The following TET3 variants were observed in gnomAD, a reference collection of about 807,000 sequenced individuals.
TET3 encodes the protein tet methylcytosine dioxygenase 3, also known as methylcytosine dioxygenase TET3.
TET3 carries 19 observed loss-of-function variants against 141.4 expected under a neutral mutation model. That is an observed-to-expected ratio of 0.13 (90% CI 0.09 to 0.20). The LOEUF is 0.20. TET3 is among the 10% of genes least tolerant of loss of function. The pLI, the probability that TET3 is intolerant of heterozygous loss-of-function variation, is 1.00. For missense variants in TET3, 1,874 were observed against 2,356.9 expected (o/e 0.80, Z 4.24); for synonymous variants, 1,043 against 980.9 (o/e 1.06, Z -1.18).
chr2:74,061,465 G>A (rs1410803398), intron 4 of TET3, among the ~76,000 whole-genome samples: 1 of 147,258 alleles, frequency 6.8e-6, no homozygotes, highest in Non-Finnish European at 1.5e-5. Context: ...GCAGGGCGGG[G>A]GACTGACCCC....
At chr2:74,076,749 G>A (rs1228995735) in intron 5 of TET3, among the ~76,000 whole-genome samples, 1 of 152,022 alleles carries the variant, frequency 6.6e-6, no homozygotes, top group African/African-American at 2.4e-5. Flanking sequence ...GTTTGTGAAT[G>A]GTAGGTCTAG....
rs185408284 is a variant in TET3, at chr2:74,007,721, C to T, written c.360+4555C>T. Among the ~76,000 whole-genome samples the T allele has an allele frequency of 3.3e-5, 5 of 152,332 alleles. No homozygotes were observed. In the East Asian group the frequency reaches 9.6e-4, roughly 29 times the overall value. On this transcript the variant is annotated intron_variant, in intron 3 of 11. Transcript: ENST00000409262. ...GGGGAGGTCACTTACTGTCTTTGGA[C>T]TTCAGCTTTCTGGGTAAAGTGAGGG...
intron 3 of TET3, among the ~76,000 whole-genome samples, chr2:74,024,401 G>A (rs1686222942): frequency 1.3e-5 from 2 of 152,108 alleles, no homozygotes; most frequent in Admixed American, 1.3e-4. Context: ...GAGGAGAGAG[G>A]GTGGACCCTG....
intron 3 of TET3, among the ~76,000 whole-genome samples, chr2:74,021,131 T>G (rs1289972910): frequency 1.3e-5 from 2 of 152,248 alleles, no homozygotes; most frequent in African/African-American, 4.8e-5. Context: ...GGTTTCTTAC[T>G]TCATCTCCCA....
rs903365864 is a variant in TET3, at chr2:74,073,554, A to G, written c.2500A>G (p.Ile834Val). The G allele has an allele frequency of 6.2e-7, 1 of 1,606,710 alleles. No individual in the cohort carries two copies. The highest frequency in any genetic ancestry group is 1.7e-4 in the Middle Eastern group (1 of 6,052). Residue 834 changes from isoleucine to valine, a missense_variant, in exon 5 of 12, where the codon ATA becomes GTA. By Grantham distance (29) the Ile-to-Val change is conservative (BLOSUM62 3). This residue lies in a region of TET3 where 83 missense variants were observed against 107.0 expected (regional missense o/e 0.78). Transcript: ENST00000409262. ...TACTCTCTGTGTTTCTGCAGAACAAATAGTGGAGAAAGATGAAGGTCCATA... is the reference window on the plus strand; with the variant it reads ...TACTCTCTGTGTTTCTGCAGAACAAGTAGTGGAGAAAGATGAAGGTCCATA... ...EFPTCDCVEQ[I>V]VEKDEGPYYT...
At chr2:74,111,665 C>T (rs1400044503), downstream of TET3, among the ~76,000 whole-genome samples, 1 of 152,154 alleles carries the variant, frequency 6.6e-6, no homozygotes, top group Non-Finnish European at 1.5e-5. Flanking sequence ...AAGCTGGGGA[C>T]CCAGGGCAGA....
intron 4 of TET3, among the ~76,000 whole-genome samples, chr2:74,058,748 G>A (rs996190042): frequency 6.6e-6 from 1 of 152,008 alleles, no homozygotes; most frequent in African/African-American, 2.4e-5. Flanking sequence ...AGAAGCCTCC[G>A]AAGTCCACCC....
At chr2:74,089,080 C>CAAAAAAAA (rs34315040) in intron 7 of TET3, among the ~76,000 whole-genome samples, 2 of 60,568 alleles carry the variant, frequency 3.3e-5, no homozygotes, top group East Asian at 1.5e-3. Flanking sequence ...GATTCCGTCT[C>CAAAAAAAA]AAAAAAAAAA....
In TET3 at chr2:74,101,699, G is replaced by T. The variant is rs762575660; in HGVS notation, c.4911G>T (p.Glu1637Asp). Residue 1637 changes from glutamate (E) to aspartate (D), a missense_variant, in exon 12 of 12, where the codon GAG becomes GAT. Physicochemically the swap from Glu to Asp is conservative, Grantham distance 45 (BLOSUM62 2). This residue lies in a region of TET3 where 41 missense variants were observed against 116.8 expected (regional missense o/e 0.35). Transcript: ENST00000409262. The surrounding 1 kb of genome is among the most constrained non-coding windows in gnomAD (Gnocchi z 8.5). The part of the protein sequence containing the change: ...GGGGAEEEEE[E>D]LWSDSEHNFL... ...GTGGTGCGGAGGAGGAAGAGGAGGA[G>T]CTGTGGTCGGACAGTGAACACAACT... The T allele has an allele frequency of 5.0e-6, 8 of 1,613,518 alleles. No individual in the cohort carries two copies. The South Asian group carries it at 8.8e-5, about 18-fold the overall frequency.
chr2:74,008,927 A>G (rs775174787), intron 3 of TET3, among the ~76,000 whole-genome samples: 10 of 152,290 alleles, frequency 6.6e-5, no homozygotes, highest in African/African-American at 2.2e-4. Context: ...CCCCGCCTCC[A>G]GGCATTTTTC....
At chr2:74,007,881 C>A (rs1029125428) in intron 3 of TET3, among the ~76,000 whole-genome samples, 1 of 152,158 alleles carries the variant, frequency 6.6e-6, no homozygotes, top group South Asian at 2.1e-4. Context: ...CTTTGTACAG[C>A]GAGTTTGCAG....
chr2:73,995,560 A>G (rs1033897056), intron 2 of TET3, among the ~76,000 whole-genome samples: 36 of 152,222 alleles, frequency 2.4e-4, no homozygotes, highest in Non-Finnish European at 4.8e-4. Flanking sequence ...GGCCACAGGT[A>G]GCTATTTAAA....
intron 3 of TET3, among the ~76,000 whole-genome samples, chr2:74,038,806 C>G (rs545096672): frequency 1.3e-5 from 2 of 152,266 alleles, no homozygotes; most frequent in South Asian, 2.1e-4. Flanking sequence ...TACACTCTTA[C>G]GAAAAGATCC....
Position 74,046,512 on chromosome 2 carries a change from G to A in TET3, c.595G>A (p.Asp199Asn), listed in dbSNP as rs1167298467. The change falls in exon 4 of 12, where the codon GAT becomes AAT. Residue 199 changes from aspartate (D) to asparagine (N), a missense_variant. Coordinates refer to ENST00000409262, the MANE Select transcript of TET3 (RefSeq NM_001287491.2). This position sits in a 1 kb window ranked among gnomAD's most constrained non-coding sequence, Gnocchi z 4.3. ...AHTARLEDAH[D>N]LVAFSAVAEA... ...TACTGCTCGCCTGGAAGATGCCCAC[G>A]ATCTGGTGGCCTTTTCGGCTGTGGC... 1.9e-6 allele frequency: 3 copies of A among 1,614,012 alleles called. No individual in the cohort carries two copies. Among genetic ancestry groups the A allele is most frequent in the Admixed American group, 1.7e-5 (1 of 60,028 alleles).
At chr2:74,122,505 ATATATATT>A in the TET3 span, 2 of 66,478 alleles carry the variant, frequency 3.0e-5, no homozygotes, top group Non-Finnish European at 5.5e-5. Flanking sequence ...ATATATATAT[ATATATATT>A]TTTTTTTTTT....
In TET3 at chr2:74,046,163, G is replaced by C; in HGVS notation, c.361-115G>C. ...GGAGGCTCAAGAAGTACCAGAGAGA[G>C]GATTTGCAAGAAAAGTTGGGGTCAG... On this transcript the variant is annotated intron_variant, in intron 3 of 11. Coordinates refer to ENST00000409262, the MANE Select transcript of TET3 (RefSeq NM_001287491.2). The surrounding 1 kb of genome is among the most constrained non-coding windows in gnomAD (Gnocchi z 4.3). 2.2e-6 allele frequency: 2 copies of C among 919,008 alleles called. No individual in the cohort carries two copies. The highest frequency in any genetic ancestry group is 5.8e-5 in the East Asian group (2 of 34,378). 56.9% of individuals were successfully genotyped at this position (919,008 alleles called of 1,614,324 possible). A position where few individuals can be genotyped will look rare whatever the true frequency, so the allele number is the denominator to read the frequency against.
chr2:74,091,306 C>A (rs764129260), intron 8 of TET3, among the ~76,000 whole-genome samples: 47 of 152,194 alleles, frequency 3.1e-4, no homozygotes, highest in Non-Finnish European at 5.4e-4. Context: ...CTCTCAAATT[C>A]TTTCCCTGTT....
rs558742059 is a variant in TET3 at position 74,107,617 on chromosome 2, C to T, written c.*5441C>T. The T allele has an allele frequency of 1.3e-5, 2 of 152,162 alleles. No homozygotes were observed. Among genetic ancestry groups the T allele is most frequent in the East Asian group, 3.9e-4 (2 of 5,184 alleles). 9.4% of individuals were successfully genotyped at this position (152,162 alleles called of 1,614,324 possible). A position where few individuals can be genotyped will look rare whatever the true frequency, so the allele number is the denominator to read the frequency against. ...TCCAATTAAAGAAACAAGGGCAGGTCGTATAATGGCATATTAATACATTAG... is the reference window on the plus strand; with the variant it reads ...TCCAATTAAAGAAACAAGGGCAGGTTGTATAATGGCATATTAATACATTAG... On this transcript the variant is annotated 3_prime_UTR_variant, in exon 12 of 12. Transcript: ENST00000409262.
At position 74,093,820 on chromosome 2, in the gene TET3, G is replaced by A. The variant is rs780759239; in HGVS notation, c.3267+154G>A. Among the ~76,000 whole-genome samples the A allele has an allele frequency of 2.6e-5, 4 of 152,126 alleles. No individual in the cohort carries two copies. Among genetic ancestry groups the A allele is most frequent in the African/African-American group, 7.2e-5 (3 of 41,416 alleles). The stretch of plus-strand genomic sequence containing the variant: ...GTTCCCTGCAAGACGGCCTGCCTTC[G>A]CCCACCTCCCAGAGAAAACCTCACC... On this transcript the variant is annotated intron_variant, in intron 10 of 11. Coordinates refer to ENST00000409262, the MANE Select transcript of TET3 (RefSeq NM_001287491.2). This position sits in a 1 kb window ranked among gnomAD's most constrained non-coding sequence, Gnocchi z 4.2.
Sources: allele counts gnomAD v4.1 joint callset (sites outside exome capture counted in the v4.1 genomes callset), GRCh38; gene constraint gnomAD v4.1.1; regional missense constraint gnomAD v4.1.1; non-coding constraint Gnocchi (gnomAD v3.1); transcripts MANE v1.5; gene names NCBI Gene and HGNC (gene_info 2026-07-23, HGNC 2026-07-21).